PCDHGA2: variants seen among roughly 807,000 people sequenced by gnomAD.
PCDHGA2 encodes protocadherin gamma-A2.
PCDHGA2 carries 40 observed loss-of-function variants against 59.2 expected under a neutral mutation model. The observed-to-expected ratio is 0.68, with a 90% CI of 0.52 to 0.88. PCDHGA2 has a LOEUF of 0.88. Ranked by LOEUF, PCDHGA2 falls within the 40% of genes least tolerant of loss-of-function variation. PCDHGA2 has a pLI of 0.00. For missense variants in PCDHGA2, 1,226 were observed against 1,204.0 expected (o/e 1.02, Z -0.27); for synonymous variants, 560 against 526.0 (o/e 1.06, Z -0.89).
intron 1 of PCDHGA2, chr5:141,430,951 C>T (rs200771871): frequency 3.2e-5 from 51 of 1,610,496 alleles, no homozygotes; most frequent in African/African-American, 1.5e-4. Context: ...AGCGCGGAGT[C>T]CGCATCATCC....
At chr5:141,373,732 C>T (rs969264007) in intron 1 of PCDHGA2, among the ~76,000 whole-genome samples, 1 of 152,174 alleles carries the variant, frequency 6.6e-6, no homozygotes, top group African/African-American at 2.4e-5. Flanking sequence ...CTTCTAAATG[C>T]TTCATTATCT....
In PCDHGA2 at chr5:141,345,557, C is replaced by T. The variant is rs555177517; in HGVS notation, c.2424+4162C>T. On this transcript the variant is annotated intron_variant, in intron 1 of 3. Coordinates refer to ENST00000394576, the MANE Select transcript of PCDHGA2 (RefSeq NM_018915.4). ...CCCTGTCCTCCTTCGTCTCTATCAA[C>T]TCCAACACTGGCGTCCTATACGCGC... is the stretch of plus-strand genomic sequence containing the variant. 57 of 1,614,234 alleles carry T rather than the reference C, an allele frequency of 3.5e-5. No homozygotes were observed. In the East Asian group the frequency reaches 9.1e-4, roughly 26 times the overall value.
intron 1 of PCDHGA2, chr5:141,371,905 A>G (rs768388601): frequency 6.2e-7 from 1 of 1,613,358 alleles, no homozygotes; most frequent in Non-Finnish European, 8.5e-7. Context: ...CTGTCGTCCT[A>G]CGTGTCCGTG....
intron 1 of PCDHGA2, chr5:141,389,294 A>T (rs776760884): frequency 1.2e-6 from 2 of 1,613,964 alleles, no homozygotes; most frequent in Non-Finnish European, 1.7e-6. Flanking sequence ...CCTCTATTTC[A>T]CAAGTCAGGG....
intron 2 of PCDHGA2, among the ~76,000 whole-genome samples, chr5:141,496,955 G>T (rs2099772887): frequency 6.6e-6 from 1 of 152,006 alleles, no homozygotes; most frequent in African/African-American, 2.4e-5. Context: ...GGAGGCCAAG[G>T]TGGGTAGATC....
At chr5:141,374,155 G>C in intron 1 of PCDHGA2, 1 of 1,612,144 alleles carries the variant, frequency 6.2e-7, no homozygotes, top group Non-Finnish European at 8.5e-7. Flanking sequence ...GGACGCTGTG[G>C]GGGGCCGCGG....
chr5:141,410,462 CTG>C (rs1258642453), intron 1 of PCDHGA2: 1 of 1,613,924 alleles, frequency 6.2e-7, no homozygotes, highest in East Asian at 2.2e-5. Context: ...TTCTTATAAT[CTG>C]TGCATTGCAC....
At chr5:141,395,374 T>G (rs145897132) in intron 1 of PCDHGA2, 6 of 1,187,780 alleles carry the variant, frequency 5.1e-6, no homozygotes, top group Non-Finnish European at 6.9e-6. Flanking sequence ...ATTTTGGTGG[T>G]GTTACTATAA....
chr5:141,351,569 C>G (rs191804700), intron 1 of PCDHGA2: 1 of 1,614,062 alleles, frequency 6.2e-7, no homozygotes, highest in Non-Finnish European at 8.5e-7. Flanking sequence ...CATCACCCTG[C>G]ACATCTCCGA....
chr5:141,419,121 C>T, intron 1 of PCDHGA2: 5 of 1,613,882 alleles, frequency 3.1e-6, no homozygotes, highest in Non-Finnish European at 3.4e-6. Flanking sequence ...TACAACGTCA[C>T]CATCGCAGCC....
chr5:141,391,728 T>C (rs2092412871), intron 1 of PCDHGA2: 1 of 152,222 alleles, frequency 6.6e-6, no homozygotes, highest in East Asian at 1.9e-4. Flanking sequence ...ACAGACTTTT[T>C]TGTAGTCATA....
At chr5:141,478,629 T>A in intron 1 of PCDHGA2, 1 of 1,553,688 alleles carries the variant, frequency 6.4e-7, no homozygotes, top group Non-Finnish European at 8.7e-7. Context: ...AGCTGTTTTT[T>A]TAGTGATGAA....
intron 1 of PCDHGA2, among the ~76,000 whole-genome samples, chr5:141,381,836 T>TCTTCTTC (rs1247595630): frequency 6.4e-5 from 9 of 139,950 alleles, no homozygotes; most frequent in African/African-American, 2.6e-4. Flanking sequence ...CTTTTTTTTT[T>TCTTCTTC]TTTTTTTTTT....
chr5:141,475,248 C>T (rs1400887912), intron 1 of PCDHGA2, among the ~76,000 whole-genome samples: 2 of 152,166 alleles, frequency 1.3e-5, no homozygotes, highest in African/African-American at 4.8e-5. Context: ...AGAGTGTGCT[C>T]TACAACTGAG....
At chr5:141,481,323 C>T (rs539518691) in intron 1 of PCDHGA2, among the ~76,000 whole-genome samples, 1 of 152,284 alleles carries the variant, frequency 6.6e-6, no homozygotes, top group Non-Finnish European at 1.5e-5. Flanking sequence ...AAAGCACTAG[C>T]CCCTGGACAA....
intron 1 of PCDHGA2, chr5:141,374,688 G>C (rs750510871): frequency 1.9e-6 from 3 of 1,609,410 alleles, no homozygotes; most frequent in Admixed American, 1.7e-5. Flanking sequence ...ACACTGGACC[G>C]GGAAGGAGAA....
chr5:141,497,413 T>A (rs572922456), intron 2 of PCDHGA2, among the ~76,000 whole-genome samples: 1 of 151,928 alleles, frequency 6.6e-6, no homozygotes, highest in African/African-American at 2.4e-5. Context: ...TCCCATTCCA[T>A]CAAATGAGAG....
chr5:141,427,192 A>G (rs1191677237), intron 1 of PCDHGA2: 2 of 456,566 alleles, frequency 4.4e-6, no homozygotes, highest in African/African-American at 4.0e-5. Flanking sequence ...AAATCCAAAG[A>G]CTTAATAGAC....
At position 141,438,631 on chromosome 5, in the gene PCDHGA2, T is replaced by C. The variant is rs1227796079; in HGVS notation, c.2425-56176T>C. 6.5e-4 allele frequency among the ~76,000 whole-genome samples: 28 copies of C among 43,202 alleles called. 1 individual carries two copies. Among genetic ancestry groups the C allele is most frequent in the Non-Finnish European group, 8.8e-4 (23 of 26,272 alleles). 28.3% of individuals were successfully genotyped at this position (43,202 alleles called of 152,430 possible). On this transcript the variant is annotated intron_variant, in intron 1 of 3. Transcript: ENST00000394576. ...ATATATATATATATATATATATATATATATACACACACACACACACATATA... is the reference window on the plus strand; with the variant it reads ...ATATATATATATATATATATATATACATATACACACACACACACACATATA...
Sources: gnomAD v4.1 joint callset for allele counts (sites outside exome capture counted in the v4.1 genomes callset) on GRCh38, gnomAD v4.1.1 for gene constraint, MANE v1.5 for transcripts, NCBI Gene and HGNC (gene_info 2026-07-23, HGNC 2026-07-21) for gene names.